Variants in GPR160 observed in about 807,000 individuals in gnomAD.
GPR160 encodes the protein G protein-coupled receptor 160, also known as probable G protein-coupled receptor 160.
GPR160 carries 2 observed loss-of-function variants against 2.6 expected under a neutral mutation model. The ratio of observed to expected loss-of-function variants is 0.77; its 90% CI spans 0.32 to 2.44. The LOEUF (loss-of-function observed/expected upper bound fraction) is 2.44. Among genes scored for constraint, GPR160 ranks in the 30% most tolerant of loss-of-function variants. GPR160 has a pLI of 0.11. For missense variants in GPR160, 351 were observed against 383.6 expected (o/e 0.91, Z 0.71); for synonymous variants, 130 against 132.2 (o/e 0.98, Z 0.12).
chr3:170,060,489 G>A (rs1576899377), intron 2 of GPR160, among the ~76,000 whole-genome samples: 1 of 152,176 alleles, frequency 6.6e-6, no homozygotes, highest in African/African-American at 2.4e-5. Flanking sequence ...TGGACGAGGC[G>A]AGGTGGCTCA....
intron 2 of GPR160, among the ~76,000 whole-genome samples, chr3:170,048,530 AGTT>A (rs3217196): frequency 0.067 from 10,203 of 152,218 alleles, 1,055 homozygotes; most frequent in African/African-American, 0.22. Flanking sequence ...TAGAGAACTA[AGTT>A]GTTGCTCATT....
At chr3:170,056,511 C>T (rs1193673023) in intron 2 of GPR160, among the ~76,000 whole-genome samples, 3 of 152,066 alleles carry the variant, frequency 2.0e-5, no homozygotes, top group South Asian at 2.1e-4. Context: ...CACAGTTAGA[C>T]GGTGGGAAGG....
chr3:170,050,527 C>A (rs1716913608), intron 2 of GPR160, among the ~76,000 whole-genome samples: 1 of 152,118 alleles, frequency 6.6e-6, no homozygotes, highest in Admixed American at 6.5e-5. Flanking sequence ...CTGCCTCAGC[C>A]TCCCAAGCAG....
intron 2 of GPR160, among the ~76,000 whole-genome samples, chr3:170,047,962 C>G (rs1187499565): frequency 1.3e-5 from 2 of 151,876 alleles, no homozygotes; most frequent in East Asian, 3.9e-4. Flanking sequence ...CTCAGCCTCC[C>G]GAGTAGCTGG....
intron 2 of GPR160, among the ~76,000 whole-genome samples, chr3:170,066,390 C>A (rs550220474): frequency 1.3e-5 from 2 of 152,004 alleles, no homozygotes; most frequent in African/African-American, 4.8e-5. Context: ...TCGCCCGCCT[C>A]GGCCTCCCAA....
At chr3:170,063,520 T>G (rs1235252296) in intron 2 of GPR160, among the ~76,000 whole-genome samples, 1 of 120,116 alleles carries the variant, frequency 8.3e-6, no homozygotes, top group African/African-American at 3.4e-5. Flanking sequence ...GGTGACAGAG[T>G]GAGACCATGT....
rs915290973 is a variant in GPR160 at position 170,079,678 on chromosome 3, T to A, written c.-192-96T>A. On this transcript the variant is annotated intron_variant, in intron 2 of 3. Coordinates refer to ENST00000355897, the MANE Select transcript of GPR160 (RefSeq NM_014373.3). ...GCTTCAGTCCCACAAAAAGCTACAA[T>A]TTTTCTAAGCAGTGATCTGGAACCA... 5 of 152,306 alleles carry A rather than the reference T, an allele frequency of 3.3e-5. No individual in the cohort carries two copies. The South Asian group carries it at 8.3e-4, about 25-fold the overall frequency. 9.4% of individuals were successfully genotyped at this position (152,306 alleles called of 1,614,324 possible).
At position 170,082,207 on chromosome 3, in the gene GPR160, C is replaced by T. The variant is rs1291637828; in HGVS notation, c.-68-1698C>T. 2.0e-5 allele frequency among the ~76,000 whole-genome samples: 3 copies of T among 152,282 alleles called. No homozygotes were observed. The South Asian group carries it at 6.2e-4, about 32-fold the overall frequency. ...TCCTATGCATGTATTTCTTACATGA[C>T]ATGTTGCTGCATAATTTTGTAACCT... On this transcript the variant is annotated intron_variant, in intron 3 of 3. Transcript: ENST00000355897.
chr3:170,052,326 A>C (rs528400921), intron 2 of GPR160, among the ~76,000 whole-genome samples: 1 of 152,320 alleles, frequency 6.6e-6, no homozygotes, highest in South Asian at 2.1e-4. Context: ...AAGGGGATAC[A>C]CCATTTTACA....
chr3:170,052,235 T>TA (rs1716989528), intron 2 of GPR160, among the ~76,000 whole-genome samples: 1 of 152,242 alleles, frequency 6.6e-6, no homozygotes, highest in Admixed American at 6.5e-5. Context: ...CGACCTGTTT[T>TA]AATTACTCCT....
rs9859631 is a variant in GPR160 at position 170,076,525 on chromosome 3, G to A, written c.-192-3249G>A. 7.1e-3 allele frequency among the ~76,000 whole-genome samples: 1,071 copies of A among 151,874 alleles called. 10 individuals are homozygous for A. The highest frequency in any genetic ancestry group is 0.022 in the African/African-American group (924 of 41,424). On this transcript the variant is annotated intron_variant, in intron 2 of 3. Transcript: ENST00000355897. ...GTACAGTCACTGTTACTTGAATGTC[G>A]CTTTTTTATTTTTTTAATTATTATT...
intron 2 of GPR160, among the ~76,000 whole-genome samples, chr3:170,072,064 A>G (rs765380256): frequency 1.6e-4 from 23 of 144,582 alleles, no homozygotes; most frequent in Non-Finnish European, 3.3e-4. Context: ...ATTTGTATAC[A>G]AGCTTTTTTT....
chr3:170,066,341 A>G (rs897160274), intron 2 of GPR160, among the ~76,000 whole-genome samples: 1 of 151,546 alleles, frequency 6.6e-6, no homozygotes, highest in East Asian at 1.9e-4. Context: ...GGGTTTCACC[A>G]TGTTAGCCAG....
intron 2 of GPR160, among the ~76,000 whole-genome samples, chr3:170,058,204 C>T (rs756684932): frequency 1.3e-5 from 2 of 152,146 alleles, no homozygotes; most frequent in Non-Finnish European, 2.9e-5. Flanking sequence ...AAATCCAGTA[C>T]GAGCTTACTT....
chr3:170,051,715 ACT>A (rs1328288132), intron 2 of GPR160, among the ~76,000 whole-genome samples: 3 of 152,048 alleles, frequency 2.0e-5, no homozygotes, highest in East Asian at 1.9e-4. Flanking sequence ...AGAGAACGAA[ACT>A]CTGTCTCAAA....
intron 2 of GPR160, among the ~76,000 whole-genome samples, chr3:170,060,936 G>A (rs975349238): frequency 2.6e-5 from 4 of 152,046 alleles, no homozygotes; most frequent in Non-Finnish European, 2.9e-5. Flanking sequence ...TAGACAAATC[G>A]AGATTATGTG....
chr3:170,046,584 A>G (rs768232627), intron 2 of GPR160, among the ~76,000 whole-genome samples: 11 of 152,198 alleles, frequency 7.2e-5, no homozygotes, highest in Non-Finnish European at 1.5e-4. Flanking sequence ...ACACAGACAC[A>G]GCAAAGTACA....
intron 2 of GPR160, among the ~76,000 whole-genome samples, chr3:170,049,565 C>T (rs962843597): frequency 6.6e-6 from 1 of 152,228 alleles, no homozygotes. Flanking sequence ...TGACATGGTG[C>T]CCTCCCAGAC....
intron 2 of GPR160, among the ~76,000 whole-genome samples, chr3:170,041,618 C>T (rs562674395): frequency 5.8e-4 from 89 of 152,298 alleles, no homozygotes; most frequent in African/African-American, 2.1e-3. Context: ...AATGCTGAAG[C>T]ATGTCCTAAT....
Sources: allele counts gnomAD v4.1 joint callset (sites outside exome capture counted in the v4.1 genomes callset), GRCh38; gene constraint gnomAD v4.1.1; transcripts MANE v1.5; gene names NCBI Gene and HGNC (gene_info 2026-07-23, HGNC 2026-07-21).